The following STK24 variants were observed in gnomAD, a reference collection of about 807,000 sequenced individuals.
STK24 encodes serine/threonine-protein kinase 24.
STK24 carries 21 observed loss-of-function variants against 55.6 expected under a neutral mutation model. The observed-to-expected ratio is 0.38, with a 90% CI of 0.27 to 0.54. The LOEUF (loss-of-function observed/expected upper bound fraction) is 0.54. Ranked by LOEUF, STK24 falls within the 20% of genes least tolerant of loss-of-function variation. The probability of loss-of-function intolerance (pLI) is 0.79; values close to 1 mark genes in which losing one functional copy is unlikely to be tolerated. For synonymous variants in STK24, 200 were observed against 215.2 expected (o/e 0.93, Z 0.62); for missense variants, 383 against 538.4 (o/e 0.71, Z 2.86).
chr13:98,516,431 T>C (rs1163362829), intron 2 of STK24, among the ~76,000 whole-genome samples: 4 of 152,212 alleles, frequency 2.6e-5, no homozygotes, highest in African/African-American at 7.2e-5. Flanking sequence ...GCTATTCCAC[T>C]TCCTACAGAG....
At chr13:98,569,411 GACAAAAAAAAAAAA>G (rs1318704523) in intron 1 of STK24, among the ~76,000 whole-genome samples, 1 of 64,492 alleles carries the variant, frequency 1.6e-5, no homozygotes, top group African/African-American at 5.4e-5. Context: ...TGACAGCAGA[GACAAAAAAAAAAAA>G]ACAAAAAAAA....
In STK24 at chr13:98,447,040, G is replaced by A. The variant is rs1264262269; in HGVS notation, c.*6133C>T. The A allele has an allele frequency of 7.6e-6, 4 of 528,176 alleles. No individual in the cohort carries two copies. In the Admixed American group the frequency reaches 1.3e-4, roughly 17 times the overall value. 32.7% of individuals were successfully genotyped at this position (528,176 alleles called of 1,614,324 possible). On this transcript the variant is annotated 3_prime_UTR_variant, in exon 11 of 11. Coordinates refer to ENST00000539966, the MANE Select transcript of STK24 (RefSeq NM_001032296.4). The stretch of plus-strand genomic sequence containing the variant: ...GCCCTTACCCTGCACGGTGTTGGCT[G>A]AGGCCCTAGACATCTTGCTTGGAGA...
intron 5 of STK24, among the ~76,000 whole-genome samples, chr13:98,472,024 A>G (rs1029005435): frequency 3.3e-5 from 5 of 152,306 alleles, no homozygotes; most frequent in African/African-American, 1.2e-4. Context: ...AGCGGCCTCC[A>G]GTGTACCCTG....
At chr13:98,462,000 C>T in intron 7 of STK24, 103 bp from the exon 8 acceptor site, 1 of 1,456,228 alleles carries the variant, frequency 6.9e-7, no homozygotes. Context: ...AAACCCACAC[C>T]CACCAGCCCC....
At chr13:98,500,617 AC>A (rs1555306104) in intron 2 of STK24, among the ~76,000 whole-genome samples, 1 of 109,494 alleles carries the variant, frequency 9.1e-6, no homozygotes, top group East Asian at 2.9e-4. Flanking sequence ...AAACCTTCCC[AC>A]CCCCACCCCC....
rs1199497662 is a variant in STK24, at chr13:98,484,381, C to G, written c.274-2060G>C. ...TGCTGTTTAACTGGTTTCACTGGCT[C>G]CCATCCCTTCTATTTTCTGGGCATT... On this transcript the variant is annotated intron_variant, in intron 2 of 10. Transcript: ENST00000539966. Among the ~76,000 whole-genome samples, 12 of 152,294 alleles carry G rather than the reference C, an allele frequency of 7.9e-5. 1 individual carries two copies. In the South Asian group the frequency reaches 2.5e-3, roughly 32 times the overall value.
intron 2 of STK24, among the ~76,000 whole-genome samples, chr13:98,490,689 T>C (rs1432947202): frequency 6.6e-6 from 1 of 152,034 alleles, no homozygotes; most frequent in Non-Finnish European, 1.5e-5. Context: ...AGTGACAGCT[T>C]CCAGTGTTGG....
At chr13:98,543,736 G>C (rs1182871404) in intron 1 of STK24, among the ~76,000 whole-genome samples, 4 of 152,194 alleles carry the variant, frequency 2.6e-5, no homozygotes. Context: ...CTGCAAGAGA[G>C]GAGCTGCCAG....
intron 2 of STK24, 42 bp downstream of exon 2, chr13:98,519,201 C>T (rs760677104): frequency 6.5e-7 from 1 of 1,540,842 alleles, no homozygotes; most frequent in Non-Finnish European, 9.0e-7. Context: ...GCACCTCAGC[C>T]AAGTGCTGCA....
chr13:98,464,350 C>T (rs542254292), intron 6 of STK24, among the ~76,000 whole-genome samples: 108 of 151,610 alleles, frequency 7.1e-4, no homozygotes, highest in Non-Finnish European at 1.3e-3. Flanking sequence ...ACCCAGGAGG[C>T]GGAGCTTGCA....
intron 1 of STK24, among the ~76,000 whole-genome samples, chr13:98,562,981 G>A (rs757990901): frequency 8.0e-5 from 12 of 150,514 alleles, no homozygotes; most frequent in Non-Finnish European, 1.6e-4. Flanking sequence ...TTATATGAAC[G>A]TACCTGCATG....
At chr13:98,556,779 A>G (rs982928943) in intron 1 of STK24, among the ~76,000 whole-genome samples, 1 of 152,196 alleles carries the variant, frequency 6.6e-6, no homozygotes, top group Non-Finnish European at 1.5e-5. Flanking sequence ...AAATTCTGCT[A>G]TGCAACTCAC....
chr13:98,573,045 A>C (rs1897783605), intron 1 of STK24, among the ~76,000 whole-genome samples: 1 of 152,176 alleles, frequency 6.6e-6, no homozygotes, highest in African/African-American at 2.4e-5. Flanking sequence ...GCTCATTGGG[A>C]GCACTTCTGA....
Position 98,576,891 on chromosome 13 carries a change from G to T in STK24, c.-105C>A. 1.3e-6 allele frequency: 1 copy of T among 749,742 alleles called. No homozygotes were observed. Among genetic ancestry groups the T allele is most frequent in the Non-Finnish European group, 1.6e-6 (1 of 617,824 alleles). The allele number at this position is 749,742 out of a possible 1,614,324, so 46.4% of individuals were successfully genotyped here. On this transcript the variant is annotated 5_prime_UTR_variant, in exon 1 of 11. Transcript: ENST00000539966. ...CGCGCAGCCCTCGGGCGGCGGGGCCGGCCGGAGCCCGAGGCCACCCCAGCC... is the reference window on the plus strand; with the variant it reads ...CGCGCAGCCCTCGGGCGGCGGGGCCTGCCGGAGCCCGAGGCCACCCCAGCC...
intron 6 of STK24, among the ~76,000 whole-genome samples, chr13:98,464,692 T>G (rs1240752975): frequency 6.6e-6 from 1 of 151,754 alleles, no homozygotes; most frequent in African/African-American, 2.4e-5. Flanking sequence ...AAACGGGATT[T>G]CACCATGTTA....
intron 1 of STK24, among the ~76,000 whole-genome samples, chr13:98,565,057 G>A (rs2139457611): frequency 6.6e-6 from 1 of 152,334 alleles, no homozygotes; most frequent in Non-Finnish European, 1.5e-5. Context: ...ACAAGCCATA[G>A]GCTGCAAGCA....
At chr13:98,454,035 T>G (rs887775532) in intron 10 of STK24, 7 of 152,190 alleles carry the variant, frequency 4.6e-5, no homozygotes, top group African/African-American at 1.7e-4. Flanking sequence ...ATTGGGGATT[T>G]GGGATATTCA....
At chr13:98,481,089 G>A (rs1243579483) in intron 3 of STK24, among the ~76,000 whole-genome samples, 1 of 152,168 alleles carries the variant, frequency 6.6e-6, no homozygotes, top group Non-Finnish European at 1.5e-5. Flanking sequence ...TCACCTAAAT[G>A]ACCTGCACTT....
intron 2 of STK24, among the ~76,000 whole-genome samples, chr13:98,496,318 T>C (rs1453607507): frequency 6.6e-6 from 1 of 152,124 alleles, no homozygotes; most frequent in Non-Finnish European, 1.5e-5. Flanking sequence ...CAAACTGAAG[T>C]CACAAGGATA....
Sources: gnomAD v4.1 joint callset for allele counts (sites outside exome capture counted in the v4.1 genomes callset) on GRCh38, gnomAD v4.1.1 for gene constraint, MANE v1.5 for transcripts, NCBI Gene and HGNC (gene_info 2026-07-23, HGNC 2026-07-21) for gene names.